OVCH1: variants seen among roughly 807,000 people sequenced by gnomAD.
OVCH1 encodes the protein ovochymase-1.
Under a neutral mutation model 138.4 loss-of-function variants are expected in OVCH1, and 139 were observed. The observed-to-expected ratio is 1.00, with a 90% CI of 0.87 to 1.16. The LOEUF is 1.16. Among genes scored for constraint, OVCH1 ranks in the 50% most tolerant of loss-of-function variants. OVCH1 has a pLI of 0.00. For synonymous variants in OVCH1, 453 were observed against 467.8 expected (o/e 0.97, Z 0.41); for missense variants, 1,367 against 1,357.9 (o/e 1.01, Z -0.11).
chr12:29,436,881 A>AT (rs1941371959), intron 26 of OVCH1, among the ~76,000 whole-genome samples: 1 of 152,168 alleles, frequency 6.6e-6, no homozygotes, highest in African/African-American at 2.4e-5. Flanking sequence ...TATTGTGAAG[A>AT]GCGAAAGAAC....
chr12:29,458,106 A>G (rs1180540261), intron 19 of OVCH1, among the ~76,000 whole-genome samples: 1 of 152,214 alleles, frequency 6.6e-6, no homozygotes, highest in Non-Finnish European at 1.5e-5. Flanking sequence ...TAGAAAAAAT[A>G]CCAATGACAT....
At chr12:29,448,339 T>C (rs982871261) in intron 22 of OVCH1, among the ~76,000 whole-genome samples, 13 of 151,202 alleles carry the variant, frequency 8.6e-5, no homozygotes, top group African/African-American at 3.2e-4. Context: ...TGGGGACCCA[T>C]GTGTTAGAAG....
intron 3 of OVCH1, among the ~76,000 whole-genome samples, chr12:29,413,026 T>C (rs1209929138): frequency 4.0e-5 from 1 of 24,882 alleles, no homozygotes; most frequent in Admixed American, 8.0e-4. Flanking sequence ...AGCTAATTCT[T>C]TTTTTTTTTT....
intron 16 of OVCH1, among the ~76,000 whole-genome samples, chr12:29,469,389 T>C (rs999097139): frequency 6.7e-6 from 1 of 149,048 alleles, no homozygotes; most frequent in Non-Finnish European, 1.5e-5. Flanking sequence ...ACAGATGAGG[T>C]CTCCTCAAAA....
In OVCH1 at chr12:29,476,224, CA is replaced by C. The variant is rs1201997393; in HGVS notation, c.1452del (p.Glu485LysfsTer6). ...TACCTACCTAACTTGTGCTTTTCTT[CA>C]GAATCACCGTAAATCACAACAGCAT... On this transcript the variant is annotated frameshift_variant, in exon 13 of 28. Coordinates refer to ENST00000318184, the Ensembl canonical transcript of OVCH1. LOFTEE classifies it high-confidence loss of function. 1.9e-6 allele frequency: 3 copies of C among 1,613,012 alleles called. No homozygotes were observed. The African/African-American group carries it at 4.0e-5, about 22-fold the overall frequency.
intron 26 of OVCH1, among the ~76,000 whole-genome samples, chr12:29,434,328 T>TA (rs755108174): frequency 1.4e-3 from 208 of 152,078 alleles, no homozygotes; most frequent in African/African-American, 4.4e-3. Context: ...GCTTAGGTGT[T>TA]AAAAAAAATC....
At chr12:29,477,526 G>A (rs764368656) in intron 10 of OVCH1, 48 bp from the exon 11 acceptor site, 2 of 1,613,888 alleles carry the variant, frequency 1.2e-6, no homozygotes, top group Admixed American at 1.7e-5. Context: ...AAAAGTGGTG[G>A]AAACTTACAC....
chr12:29,461,112 ATT>A (rs1942115771), intron 19 of OVCH1, among the ~76,000 whole-genome samples: 1 of 152,134 alleles, frequency 6.6e-6, no homozygotes, highest in South Asian at 2.1e-4. Context: ...AACAAGATTC[ATT>A]CTTTCTTTCC....
chr12:29,443,440 G>C, exon 25 of OVCH1: 1 of 1,611,222 alleles, frequency 6.2e-7, no homozygotes, highest in Non-Finnish European at 8.5e-7. Flanking sequence ...GCTTCATCGG[G>C]AAGTTAATAA....
At chr12:29,402,406 A>G in the OVCH1 span, among the ~76,000 whole-genome samples, 6 of 152,228 alleles carry the variant, frequency 3.9e-5, no homozygotes, top group East Asian at 1.9e-4. Flanking sequence ...TAGGACATTT[A>G]TAATACTTTC....
intron 16 of OVCH1, among the ~76,000 whole-genome samples, chr12:29,467,667 T>C (rs1397854967): frequency 6.6e-6 from 1 of 152,086 alleles, no homozygotes; most frequent in Non-Finnish European, 1.5e-5. Context: ...ACATATATAA[T>C]TGCAAAGTGA....
intron 27 of OVCH1, chr12:29,433,626 C>G: frequency 9.6e-7 from 1 of 1,046,648 alleles, no homozygotes; most frequent in East Asian, 3.5e-5. Flanking sequence ...GTTCATTGCT[C>G]AATCTTCATT....
intron 3 of OVCH1, among the ~76,000 whole-genome samples, chr12:29,416,210 A>G (rs147815895): frequency 6.6e-6 from 1 of 152,324 alleles, no homozygotes; most frequent in Admixed American, 6.5e-5. Flanking sequence ...GGCTAAGGCT[A>G]TAGAACTTTT....
intron 14 of OVCH1, among the ~76,000 whole-genome samples, chr12:29,473,930 G>A (rs570794496): frequency 6.6e-6 from 1 of 152,170 alleles, no homozygotes; most frequent in Non-Finnish European, 1.5e-5. Context: ...CTTCCATGCT[G>A]GATGCTTCCT....
rs1216998010 is a variant in OVCH1, at chr12:29,485,042, T to C, written c.995+1204A>G. ...AACTTTTAAAAACACTTCTTCAGAT[T>C]TAACATTTATCCAACTTTCCCATCT... On this transcript the variant is annotated intron_variant, in intron 8 of 27. Transcript: ENST00000318184. 2.0e-5 allele frequency among the ~76,000 whole-genome samples: 3 copies of C among 152,192 alleles called. No individual in the cohort carries two copies. The East Asian group carries it at 5.8e-4, about 29-fold the overall frequency.
intron 8 of OVCH1, among the ~76,000 whole-genome samples, chr12:29,479,428 A>G (rs765745118): frequency 2.0e-5 from 3 of 152,192 alleles, no homozygotes; most frequent in Non-Finnish European, 4.4e-5. Flanking sequence ...TCTAACTCCC[A>G]GTAAGGTCAG....
chr12:29,487,933 T>C (rs1943159403), intron 6 of OVCH1, 51 bp from the exon 7 acceptor site: 1 of 1,502,486 alleles, frequency 6.7e-7, no homozygotes, highest in African/African-American at 1.4e-5. Flanking sequence ...CAGTGTAAAA[T>C]ATTTCATCAT....
intron 19 of OVCH1, among the ~76,000 whole-genome samples, chr12:29,460,409 TA>T (rs1942090930): frequency 2.6e-5 from 4 of 152,192 alleles, no homozygotes; most frequent in Admixed American, 2.6e-4. Context: ...TTTTATCAGA[TA>T]ACATTTATGT....
At chr12:29,458,718 A>G (rs752781113) in intron 19 of OVCH1, among the ~76,000 whole-genome samples, 1 of 152,192 alleles carries the variant, frequency 6.6e-6, no homozygotes. Flanking sequence ...AGAATGGGAA[A>G]AATTTCTGCA....
Sources: gnomAD v4.1 joint callset for allele counts (sites outside exome capture counted in the v4.1 genomes callset) on GRCh38, gnomAD v4.1.1 for gene constraint, MANE v1.5 for transcripts, NCBI Gene and HGNC (gene_info 2026-07-23, HGNC 2026-07-21) for gene names.